The following NUFIP2 variants were observed in gnomAD, a reference collection of about 807,000 sequenced individuals.
NUFIP2 encodes nuclear FMR1 interacting protein 2.
NUFIP2 carries 6 observed loss-of-function variants against 56.9 expected under a neutral mutation model. The ratio of observed to expected loss-of-function variants is 0.11; its 90% CI spans 0.06 to 0.21. The LOEUF is 0.21. NUFIP2 is among the 10% of genes least tolerant of loss of function. The pLI, the probability that NUFIP2 is intolerant of heterozygous loss-of-function variation, is 1.00. For missense variants in NUFIP2, 828 were observed against 826.8 expected (o/e 1.00, Z -0.02); for synonymous variants, 321 against 298.2 (o/e 1.08, Z -0.79).
rs553678498 is a variant in NUFIP2, at chr17:29,259,665, G to C, written c.*4874C>G. 6.6e-6 allele frequency: 1 copy of C among 151,862 alleles called. No homozygotes were observed. The highest frequency in any genetic ancestry group is 1.5e-5 in the Non-Finnish European group (1 of 67,998). The allele number at this position is 151,862 out of a possible 1,614,324, so 9.4% of individuals were successfully genotyped here. On this transcript the variant is annotated 3_prime_UTR_variant, in exon 4 of 4. Coordinates refer to ENST00000225388, the MANE Select transcript of NUFIP2 (RefSeq NM_020772.3). ...CATAACAAAATTGTATGGAAAATAG[G>C]GAAGTCTGAATCAGCAATCCCATCA... is the stretch of plus-strand genomic sequence containing the variant.
intron 2 of NUFIP2, among the ~76,000 whole-genome samples, chr17:29,282,581 A>T (rs560069864): frequency 6.6e-6 from 1 of 151,938 alleles, no homozygotes; most frequent in Admixed American, 6.6e-5. Context: ...AACAAAATAA[A>T]AACACCTTTC....
At chr17:29,271,888 T>C (rs1012069616) in intron 2 of NUFIP2, among the ~76,000 whole-genome samples, 4 of 151,664 alleles carry the variant, frequency 2.6e-5, no homozygotes, top group Non-Finnish European at 5.9e-5. Flanking sequence ...CTGACCAACA[T>C]GGTGAAATCC....
intron 2 of NUFIP2, among the ~76,000 whole-genome samples, chr17:29,275,071 C>T (rs960636679): frequency 6.6e-6 from 1 of 151,762 alleles, no homozygotes; most frequent in Non-Finnish European, 1.5e-5. Flanking sequence ...ATTACCCAGG[C>T]TGGAATGCTC....
chr17:29,276,183 G>A (rs1179364175), intron 2 of NUFIP2, among the ~76,000 whole-genome samples: 2 of 152,108 alleles, frequency 1.3e-5, no homozygotes, highest in East Asian at 1.9e-4. Flanking sequence ...AGATTAATTA[G>A]ATAACTAACT....
intron 2 of NUFIP2, among the ~76,000 whole-genome samples, chr17:29,275,087 C>T (rs767813862): frequency 5.9e-4 from 89 of 151,906 alleles, no homozygotes; most frequent in Non-Finnish European, 1.0e-3. Flanking sequence ...TGCTCGATCT[C>T]GGCTCACTGC....
Position 29,287,449 on chromosome 17 carries a change from T to C in NUFIP2, c.545A>G (p.Asp182Gly). 2 of 1,614,190 alleles carry C rather than the reference T, an allele frequency of 1.2e-6. No homozygotes were observed. Among genetic ancestry groups the C allele is most frequent in the Non-Finnish European group, 1.7e-6 (2 of 1,180,006 alleles). ...SGENQSVDKS[D>G]TIPIPNGVVT... ...CACACCATTTGGAATTGGTATAGTA[T>C]CAGACTTATCTACAGACTGATTCTC... The change falls in exon 2 of 4, where the codon GAT becomes GGT. Residue 182 changes from aspartate (D) to glycine (G), a missense_variant. By Grantham distance (94) the Asp-to-Gly change is moderately conservative. Transcript: ENST00000225388.
At chr17:29,272,888 C>T (rs982658456) in intron 2 of NUFIP2, among the ~76,000 whole-genome samples, 3 of 150,358 alleles carry the variant, frequency 2.0e-5, no homozygotes, top group Non-Finnish European at 2.9e-5. Flanking sequence ...GTCTTGCTGT[C>T]GCCCAGGCTG....
rs1018714962 is a variant in NUFIP2 at position 29,269,806 on chromosome 17, C to T, written c.2003-2276G>A. ...CGCGATCTCAGCTCACTGCAAGCTC[C>T]GCCTCCCGGGTTCACGCCATTCTCT... On this transcript the variant is annotated intron_variant, in intron 2 of 3. Coordinates refer to ENST00000225388, the MANE Select transcript of NUFIP2 (RefSeq NM_020772.3). 4.6e-5 allele frequency among the ~76,000 whole-genome samples: 7 copies of T among 152,200 alleles called. No individual in the cohort carries two copies. The East Asian group carries it at 7.7e-4, about 17-fold the overall frequency.
At chr17:29,268,461 C>A (rs917055236) in intron 2 of NUFIP2, among the ~76,000 whole-genome samples, 2 of 152,138 alleles carry the variant, frequency 1.3e-5, no homozygotes, top group Non-Finnish European at 2.9e-5. Context: ...TTAGTTTAAC[C>A]ATTCAGGCAA....
At position 29,290,799 on chromosome 17, in the gene NUFIP2, C is replaced by A. The variant is rs543729624; in HGVS notation, c.277+2984G>T. Among the ~76,000 whole-genome samples the A allele has an allele frequency of 3.3e-5, 5 of 152,124 alleles. No individual in the cohort carries two copies. In the East Asian group the frequency reaches 9.7e-4, roughly 29 times the overall value. On this transcript the variant is annotated intron_variant, in intron 1 of 3. Coordinates refer to ENST00000225388, the MANE Select transcript of NUFIP2 (RefSeq NM_020772.3). ...CTACCTGTATCATTTAATATGCTAA[C>A]AGGTTAAACAAAGGTTTGTATCCTT...
chr17:29,287,479 G>T lies in NUFIP2; in HGVS notation c.515C>A (p.Ser172Tyr), dbSNP rs1251879423. 3 of 1,614,030 alleles carry T rather than the reference G, an allele frequency of 1.9e-6. No homozygotes were observed. The highest frequency in any genetic ancestry group is 2.5e-6 in the Non-Finnish European group (3 of 1,179,956). The change falls in exon 2 of 4, where the codon TCT (serine) becomes TAT (tyrosine). Residue 172 changes from serine (S) to tyrosine (Y), a missense_variant. Transcript: ENST00000225388. ...KKNGKSYENK[S>Y]GENQSVDKSD... is the part of the protein sequence containing the mutation. Reference sequence around the variant, plus strand: ...CTTATCTACAGACTGATTCTCTCCAGATTTATTTTCATAAGACTTCCCATT... The same window carrying T: ...CTTATCTACAGACTGATTCTCTCCATATTTATTTTCATAAGACTTCCCATT...
At chr17:29,280,462 C>T (rs2069133096) in intron 2 of NUFIP2, among the ~76,000 whole-genome samples, 4 of 152,174 alleles carry the variant, frequency 2.6e-5, no homozygotes, top group Admixed American at 2.6e-4. Flanking sequence ...CATGGTGGCT[C>T]ATGCCTGTAA....
rs1205498437 is a variant in NUFIP2 at position 29,287,701 on chromosome 17, T to C, written c.293A>G (p.Asn98Ser). 6.2e-7 allele frequency: 1 copy of C among 1,607,474 alleles called. No homozygotes were observed. Among genetic ancestry groups the C allele is most frequent in the Admixed American group, 1.7e-5 (1 of 58,610 alleles). Residue 98 changes from asparagine to serine, a missense_variant, in exon 2 of 4, where the codon AAC (asparagine) becomes AGC (serine). Around this residue, in one of 3 missense-constraint regions of NUFIP2, gnomAD observed 415 missense variants for 408.7 expected, o/e 1.02. Transcript: ENST00000225388. ...PKKKTGYGEL[N>S]GNAGEREISL... ...TATTTCTCTTTCTCCAGCATTACCG[T>C]TTAGTTCACCATAGCCTAGGGGAGG...
In NUFIP2 at chr17:29,259,008, A is replaced by T. The variant is rs1257456453; in HGVS notation, c.*5531T>A. 2.0e-5 allele frequency: 3 copies of T among 152,236 alleles called. No individual in the cohort carries two copies. The highest frequency in any genetic ancestry group is 7.2e-5 in the African/African-American group (3 of 41,466). The allele number at this position is 152,236 out of a possible 1,614,324, so 9.4% of individuals were successfully genotyped here. On this transcript the variant is annotated 3_prime_UTR_variant, in exon 4 of 4. Transcript: ENST00000225388. ...TAGACAAACAGGGTAAACTAAAGGC[A>T]TTCATTCATATTTACATATTAAAAC...
In NUFIP2 at chr17:29,286,454, C is replaced by G. The variant is rs2069174815; in HGVS notation, c.1540G>C (p.Glu514Gln). The G allele has an allele frequency of 6.2e-7, 1 of 1,614,042 alleles. No homozygotes were observed. The change falls in exon 2 of 4, where the codon GAG becomes CAG. Residue 514 changes from glutamate (E) to glutamine (Q), a missense_variant. Coordinates refer to ENST00000225388, the MANE Select transcript of NUFIP2 (RefSeq NM_020772.3). ...ACAGTCTCAGGGCCAGCACTGGGCTCATTTATAAATGATAAACCCCACTGA... is the reference window on the plus strand; with the variant it reads ...ACAGTCTCAGGGCCAGCACTGGGCTGATTTATAAATGATAAACCCCACTGA... ...QNQWGLSFIN[E>Q]PSAGPETVTG...
Position 29,267,628 on chromosome 17 carries a change from G to A in NUFIP2, c.2003-98C>T, listed in dbSNP as rs922782108. On this transcript the variant is annotated intron_variant, in intron 2 of 3. Transcript: ENST00000225388. The stretch of plus-strand genomic sequence containing the variant: ...ATCTAAAAATCCTAGACTGATTACT[G>A]CCAGACTGGAGGTAGGGTTGAAAAT... 8 of 692,628 alleles carry A rather than the reference G, an allele frequency of 1.2e-5. No homozygotes were observed. In the African/African-American group the frequency reaches 1.5e-4, roughly 13 times the overall value. The allele number at this position is 692,628 out of a possible 1,614,324, so 42.9% of individuals were successfully genotyped here.
chr17:29,286,799 A>G lies in NUFIP2; in HGVS notation c.1195T>C (p.Ser399Pro). 1.2e-6 allele frequency: 2 copies of G among 1,614,208 alleles called. No homozygotes were observed. The highest frequency in any genetic ancestry group is 1.1e-5 in the South Asian group (1 of 91,088). Residue 399 changes from serine (S) to proline (P), a missense_variant, in exon 2 of 4, where the codon TCC (serine) becomes CCC (proline). By Grantham distance (74) the Ser-to-Pro change is moderately conservative (BLOSUM62 -1). Around this residue, in one of 3 missense-constraint regions of NUFIP2, gnomAD observed 404 missense variants for 380.3 expected, o/e 1.06. Transcript: ENST00000225388. The part of the protein sequence containing the change: ...ETQTQSSSRL[S>P]QVPMSALKSV... ...TTCAGCGCTGACATAGGGACCTGGG[A>G]TAAGCGACTTGATGATTGGGTCTGA...
At chr17:29,292,895 GCCGCGGTGCGGGGGGCGCCGGCGCCC>G (rs1277915269) in intron 1 of NUFIP2, among the ~76,000 whole-genome samples, 102 of 142,872 alleles carry the variant, frequency 7.1e-4, no homozygotes, top group African/African-American at 2.0e-3. Context: ...GGGGGGGGCG[GCCGCGGTGCGGGGGGCGCCGGCGCCC>G]CCGCAGTGCA....
chr17:29,272,221 T>C (rs1567677188), intron 2 of NUFIP2, among the ~76,000 whole-genome samples: 1 of 151,818 alleles, frequency 6.6e-6, no homozygotes, highest in African/African-American at 2.4e-5. Context: ...CAATTCAGAT[T>C]TTAAATATGA....
Sources: allele counts gnomAD v4.1 joint callset (sites outside exome capture counted in the v4.1 genomes callset), GRCh38; gene constraint gnomAD v4.1.1; regional missense constraint gnomAD v4.1.1; transcripts MANE v1.5; gene names NCBI Gene and HGNC (gene_info 2026-07-23, HGNC 2026-07-21).